CHD9: variants seen among roughly 807,000 people sequenced by gnomAD.
CHD9 encodes chromodomain helicase DNA binding protein 9.
In CHD9, 77 loss-of-function variants were observed where a neutral mutation model predicts 316.1. That is an observed-to-expected ratio of 0.24 (90% CI 0.20 to 0.29). CHD9 has a LOEUF of 0.29. Ranked by LOEUF, CHD9 falls within the 10% of genes least tolerant of loss-of-function variation. The pLI is 1.00. For synonymous variants in CHD9, 1,129 were observed against 1,158.3 expected (o/e 0.97, Z 0.51); for missense variants, 2,763 against 3,438.1 (o/e 0.80, Z 4.91).
chr16:53,119,243 T>C (rs1358808460), intron 1 of CHD9, among the ~76,000 whole-genome samples: 2 of 152,136 alleles, frequency 1.3e-5, no homozygotes, highest in Non-Finnish European at 2.9e-5. Context: ...TTATGTGCAG[T>C]TTTCTGCATA....
intron 2 of CHD9, among the ~76,000 whole-genome samples, chr16:53,169,846 T>C (rs2042550018): frequency 6.6e-6 from 1 of 152,200 alleles, no homozygotes; most frequent in African/African-American, 2.4e-5. Flanking sequence ...TAGAGAGATA[T>C]CTGGTTTAAA....
chr16:53,147,106 A>G (rs1193786000), intron 1 of CHD9, among the ~76,000 whole-genome samples: 1 of 152,152 alleles, frequency 6.6e-6, no homozygotes, highest in Non-Finnish European at 1.5e-5. Context: ...TGTAGGCTTT[A>G]AGATAATATG....
chr16:53,254,142 A>T (rs978695543), intron 17 of CHD9, among the ~76,000 whole-genome samples: 1 of 152,114 alleles, frequency 6.6e-6, no homozygotes, highest in Non-Finnish European at 1.5e-5. Context: ...GCACGACTGC[A>T]CTCCAGCTGG....
At chr16:53,155,273 A>T (rs994586256) in intron 1 of CHD9, among the ~76,000 whole-genome samples, 4 of 150,908 alleles carry the variant, frequency 2.7e-5, no homozygotes, top group Admixed American at 1.3e-4. Flanking sequence ...CCCAGGCTGG[A>T]GTGCAGTGGC....
intron 1 of CHD9, among the ~76,000 whole-genome samples, chr16:53,057,663 AAAAG>A (rs2032325695): frequency 6.6e-6 from 1 of 152,164 alleles, no homozygotes; most frequent in Admixed American, 6.5e-5. Flanking sequence ...TCAAAAAAAA[AAAAG>A]AAAGAAAAAA....
intron 2 of CHD9, among the ~76,000 whole-genome samples, chr16:53,194,751 G>A (rs925436640): frequency 1.1e-4 from 16 of 151,952 alleles, no homozygotes; most frequent in African/African-American, 1.7e-4. Context: ...TCCTGATCCC[G>A]CCTTTTCCCA....
intron 1 of CHD9, among the ~76,000 whole-genome samples, chr16:53,059,240 G>A (rs1437272268): frequency 5.3e-5 from 8 of 152,184 alleles, no homozygotes; most frequent in Non-Finnish European, 8.8e-5. Flanking sequence ...GTGATCAAGC[G>A]TCGATGAAAC....
chr16:53,287,024 A>G (rs552871117), intron 26 of CHD9, among the ~76,000 whole-genome samples: 22 of 152,248 alleles, frequency 1.4e-4, no homozygotes, highest in African/African-American at 5.1e-4. Context: ...CAATGGCACA[A>G]TCATGTCTTA....
intron 3 of CHD9, among the ~76,000 whole-genome samples, chr16:53,217,709 C>T (rs2046874832): frequency 6.6e-6 from 1 of 152,090 alleles, no homozygotes; most frequent in South Asian, 2.1e-4. Context: ...TTTCAAGGTT[C>T]ATTGTAAATA....
At chr16:53,158,851 A>T (rs1434860807) in intron 2 of CHD9, among the ~76,000 whole-genome samples, 3 of 152,026 alleles carry the variant, frequency 2.0e-5, no homozygotes, top group African/African-American at 7.2e-5. Context: ...TGCCTGGGCT[A>T]ATCTTGAGCT....
At chr16:53,137,802 A>G (rs535901698) in intron 1 of CHD9, among the ~76,000 whole-genome samples, 2 of 152,348 alleles carry the variant, frequency 1.3e-5, no homozygotes, top group South Asian at 4.1e-4. Context: ...GTTCTTGAAG[A>G]TAAATGGCAA....
intron 18 of CHD9, among the ~76,000 whole-genome samples, chr16:53,255,295 C>T (rs2050497826): frequency 6.6e-6 from 1 of 151,888 alleles, no homozygotes; most frequent in Admixed American, 6.6e-5. Context: ...GATAACAGAG[C>T]AAGACCCTGT....
At chr16:53,066,632 T>G (rs1209639334) in intron 1 of CHD9, among the ~76,000 whole-genome samples, 2 of 152,126 alleles carry the variant, frequency 1.3e-5, no homozygotes, top group South Asian at 2.1e-4. Flanking sequence ...GGCACCATAT[T>G]TAACCTCAGG....
chr16:53,142,500 T>C (rs2040199120), intron 1 of CHD9, among the ~76,000 whole-genome samples: 1 of 152,222 alleles, frequency 6.6e-6, no homozygotes, highest in South Asian at 2.1e-4. Flanking sequence ...TTTGTAGAGA[T>C]GGGACTGTGT....
At chr16:53,297,996 C>T (rs1255078050) in intron 30 of CHD9, among the ~76,000 whole-genome samples, 2 of 152,204 alleles carry the variant, frequency 1.3e-5, no homozygotes, top group African/African-American at 4.8e-5. Flanking sequence ...TTGTAGTTGG[C>T]AAGAGGCCCT....
In CHD9 at chr16:53,198,873, C is replaced by G. The variant is rs544976727; in HGVS notation, c.1453-10609C>G. 6.6e-5 allele frequency among the ~76,000 whole-genome samples: 10 copies of G among 152,206 alleles called. No homozygotes were observed. The South Asian group carries it at 1.9e-3, about 28-fold the overall frequency. On this transcript the variant is annotated intron_variant, in intron 2 of 38. Coordinates refer to ENST00000447540, the MANE Select transcript of CHD9 (RefSeq NM_001308319.2). ...AAGCAGTTTTCTTAGTTCAGATTTC[C>G]TATAGATAAGTCTTTGATAGCATGG... is the stretch of plus-strand genomic sequence containing the variant.
chr16:53,224,686 C>T (rs1386406404), intron 4 of CHD9, among the ~76,000 whole-genome samples: 1 of 152,138 alleles, frequency 6.6e-6, no homozygotes, highest in African/African-American at 2.4e-5. Flanking sequence ...CTGAACTATT[C>T]TCAAATTTCA....
chr16:53,118,738 G>C (rs746379528), intron 1 of CHD9, among the ~76,000 whole-genome samples: 1 of 150,732 alleles, frequency 6.6e-6, no homozygotes. Flanking sequence ...ATATCATAAT[G>C]ATGTCTTGAT....
At chr16:53,275,009 C>T (rs1054076866) in intron 24 of CHD9, among the ~76,000 whole-genome samples, 10 of 151,970 alleles carry the variant, frequency 6.6e-5, no homozygotes, top group African/African-American at 2.2e-4. Flanking sequence ...TTAAAGCAGA[C>T]ACAGATTTTT....
Sources: allele counts gnomAD v4.1 joint callset (sites outside exome capture counted in the v4.1 genomes callset), GRCh38; gene constraint gnomAD v4.1.1; transcripts MANE v1.5; gene names NCBI Gene and HGNC (gene_info 2026-07-23, HGNC 2026-07-21).